The following ERC1 variants were observed in gnomAD, a reference collection of about 807,000 sequenced individuals.
ERC1 encodes ELKS/RAB6-interacting/CAST family member 1.
ERC1 carries 56 observed loss-of-function variants against 132.0 expected under a neutral mutation model. That is an observed-to-expected ratio of 0.42 (90% CI 0.34 to 0.53). ERC1 has a LOEUF of 0.53. Among genes scored for constraint, ERC1 ranks in the 20% least tolerant of loss-of-function variants. ERC1 has a pLI of 0.03. For synonymous variants in ERC1, 478 were observed against 476.1 expected, an observed-to-expected ratio of 1.00 and a Z score of -0.05; for missense variants, 1,202 against 1,349.9, an observed-to-expected ratio of 0.89 and a Z score of 1.72.
chr12:1,374,451 T>C (rs1235051600), intron 16 of ERC1, among the ~76,000 whole-genome samples: 1 of 152,062 alleles, frequency 6.6e-6, no homozygotes, highest in Non-Finnish European at 1.5e-5. Context: ...TTGGAGAGGC[T>C]GCATCAGAGG....
intron 13 of ERC1, 143 bp downstream of exon 13, chr12:1,237,047 C>G (rs1305613532): frequency 1.0e-6 from 1 of 966,696 alleles, no homozygotes; most frequent in Admixed American, 2.8e-5. Context: ...AACTGTTTAG[C>G]AATGAAGGAA....
At chr12:1,099,411 C>G (rs544282647) in intron 3 of ERC1, among the ~76,000 whole-genome samples, 37 of 151,766 alleles carry the variant, frequency 2.4e-4, no homozygotes, top group African/African-American at 8.0e-4. Flanking sequence ...CATCTTTCCC[C>G]TCCCTTTTTA....
chr12:1,321,421 A>G (rs765391954), intron 15 of ERC1, among the ~76,000 whole-genome samples: 3 of 152,204 alleles, frequency 2.0e-5, no homozygotes, highest in Non-Finnish European at 2.9e-5. Flanking sequence ...TATTCATACA[A>G]TGCGGAGCCT....
At chr12:1,300,927 T>C (rs150478357) in intron 15 of ERC1, among the ~76,000 whole-genome samples, 386 of 152,264 alleles carry the variant, frequency 2.5e-3, no homozygotes, top group African/African-American at 8.7e-3. Flanking sequence ...TACAGTTTGA[T>C]CCAGCAATCC....
At position 1,408,070 on chromosome 12, in the gene ERC1, ACT is replaced by A. The variant is rs1200747082; in HGVS notation, c.2926-76_2926-75del. On this transcript the variant is annotated intron_variant, in intron 16 of 18. Transcript: ENST00000360905. ...GATTAGTTTTATCCTTTCTTATGGA[ACT>A]CTTAAAATACTCGTTACTTTACAGT... is the stretch of plus-strand genomic sequence containing the variant. 10 of 932,872 alleles carry A rather than the reference ACT, an allele frequency of 1.1e-5. 1 individual carries two copies. Among genetic ancestry groups the A allele is most frequent in the South Asian group, 4.3e-5 (3 of 69,762 alleles). 57.8% of individuals were successfully genotyped at this position (932,872 alleles called of 1,614,324 possible).
rs1181099489 is a variant in ERC1 at position 1,371,966 on chromosome 12, C to A, written c.2914C>A (p.Leu972Ile). The stretch of plus-strand genomic sequence containing the variant: ...GGAGAAGGATCGTCTGGTACAGCAG[C>A]TTAAGCAGCAGGTATTATTAAATGC... ...KREKDRLVQQ[L>I]KQQTQNRMKL... The change falls in exon 16 of 19, where the codon CTT (leucine) becomes ATT (isoleucine). Residue 972 changes from leucine to isoleucine, a missense_variant. By Grantham distance (5) the Leu-to-Ile change is conservative (BLOSUM62 2). Transcript: ENST00000360905. 1.9e-6 allele frequency: 3 copies of A among 1,613,580 alleles called. No homozygotes were observed. Among genetic ancestry groups the A allele is most frequent in the Non-Finnish European group, 2.5e-6 (3 of 1,180,012 alleles).
At chr12:1,318,165 A>T (rs1566574964) in intron 15 of ERC1, among the ~76,000 whole-genome samples, 1 of 152,186 alleles carries the variant, frequency 6.6e-6, no homozygotes, top group African/African-American at 2.4e-5. Flanking sequence ...AGGATTTTTT[A>T]AAAGCAGATT....
chr12:1,289,535 G>A (rs1400062252), intron 14 of ERC1, among the ~76,000 whole-genome samples: 1 of 151,946 alleles, frequency 6.6e-6, no homozygotes, highest in Non-Finnish European at 1.5e-5. Flanking sequence ...AAATTTCTGG[G>A]TCATTTCCAA....
At chr12:1,190,241 A>G in intron 12 of ERC1, 189 bp downstream of exon 12, 1 of 731,724 alleles carries the variant, frequency 1.4e-6, no homozygotes, top group South Asian at 1.4e-5. Context: ...AAGGCAACAT[A>G]GAATGGGAAT....
chr12:1,125,289 C>T (rs1691179865), intron 7 of ERC1, among the ~76,000 whole-genome samples: 1 of 152,034 alleles, frequency 6.6e-6, no homozygotes, highest in South Asian at 2.1e-4. Flanking sequence ...CCACCGCGCC[C>T]AGCCCAATAT....
intron 1 of ERC1, among the ~76,000 whole-genome samples, chr12:995,975 A>G (rs1960754335): frequency 6.6e-6 from 1 of 152,200 alleles, no homozygotes; most frequent in South Asian, 2.1e-4. Context: ...AATGTTGAGT[A>G]AGAGAGAATT....
chr12:1,443,049 AG>A (rs58501203), intron 17 of ERC1, among the ~76,000 whole-genome samples: 36,977 of 151,780 alleles, frequency 0.24, 7,643 homozygotes, highest in African/African-American at 0.57. Flanking sequence ...CTGGGACTAC[AG>A]GCACCCGCCC....
At chr12:1,400,916 ATTTTTTTTTTTTTTTTTTTTTTT>A (rs869202443) in intron 16 of ERC1, among the ~76,000 whole-genome samples, 1 of 15,040 alleles carries the variant, frequency 6.6e-5, no homozygotes, top group African/African-American at 3.1e-4. Context: ...CTATTTTTGT[ATTTTTTTTTTTTTTTTTTTTTTT>A]TTTTTTTTTT....
intron 1 of ERC1, among the ~76,000 whole-genome samples, chr12:1,015,847 G>T (rs548540948): frequency 6.6e-6 from 1 of 152,250 alleles, no homozygotes; most frequent in East Asian, 1.9e-4. Flanking sequence ...TAGTAATTTT[G>T]AGATTTATGT....
intron 12 of ERC1, chr12:1,204,631 G>T (rs1385045439): frequency 1.0e-6 from 1 of 955,436 alleles, no homozygotes; most frequent in African/African-American, 1.6e-5. Context: ...AAATCTAGCT[G>T]TGAGGATAAA....
At chr12:1,050,728 C>G (rs966976617) in intron 2 of ERC1, among the ~76,000 whole-genome samples, 1 of 152,084 alleles carries the variant, frequency 6.6e-6, no homozygotes, top group African/African-American at 2.4e-5. Flanking sequence ...AGTGTAAATA[C>G]ATAACTATTA....
chr12:1,316,926 G>A (rs2081778158), intron 15 of ERC1, among the ~76,000 whole-genome samples: 3 of 152,254 alleles, frequency 2.0e-5, no homozygotes, highest in Non-Finnish European at 2.9e-5. Context: ...TTGGGAGGCC[G>A]AGGCGGGTGG....
rs1555194875 is a variant in ERC1, at chr12:1,007,540, C to CTCTCTCTCTCTCTGTGTG, written c.-157+16219_-157+16220insCTCTCTCTCTCTGTGTGT. 1.1e-3 allele frequency among the ~76,000 whole-genome samples: 132 copies of CTCTCTCTCTCTCTGTGTG among 122,766 alleles called. 2 individuals carry two copies. Among genetic ancestry groups the CTCTCTCTCTCTCTGTGTG allele is most frequent in the African/African-American group, 3.4e-3 (91 of 26,506 alleles). 80.5% of individuals were successfully genotyped at this position (122,766 alleles called of 152,430 possible). A position where few individuals can be genotyped will look rare whatever the true frequency, so the allele number is the denominator to read the frequency against. ...ATTCTCTCTCTCTCTCTCTCTCTCT[C>CTCTCTCTCTCTCTGTGTG]TGTGTGTGTGTGTGTGTGTGTGTGT... On this transcript the variant is annotated intron_variant, in intron 1 of 18. Transcript: ENST00000360905.
intron 5 of ERC1, among the ~76,000 whole-genome samples, chr12:1,111,952 G>A (rs10848439): frequency 0.27 from 40,418 of 151,854 alleles, 5,725 homozygotes; most frequent in African/African-American, 0.36. Context: ...TTTTCACCCT[G>A]ATTTGAGAAC....
Sources: allele counts gnomAD v4.1 joint callset (sites outside exome capture counted in the v4.1 genomes callset), GRCh38; gene constraint gnomAD v4.1.1; transcripts MANE v1.5; gene names NCBI Gene and HGNC (gene_info 2026-07-23, HGNC 2026-07-21).